FARP1: variants seen among roughly 807,000 people sequenced by gnomAD.
FARP1 encodes FERM, ARHGEF and pleckstrin domain-containing protein 1.
Under a neutral mutation model 128.8 loss-of-function variants are expected in FARP1, and 52 were observed. The observed-to-expected ratio is 0.40, with a 90% CI of 0.32 to 0.51. The LOEUF (loss-of-function observed/expected upper bound fraction) is 0.51. Ranked by LOEUF, FARP1 falls within the 20% of genes least tolerant of loss-of-function variation. The pLI is 0.45. For synonymous variants in FARP1, 580 were observed against 551.8 expected (o/e 1.05, Z -0.72); for missense variants, 1,333 against 1,367.9 (o/e 0.97, Z 0.40).
Position 98,399,659 on chromosome 13 carries a change from C to T in FARP1, c.1414+4183C>T, listed in dbSNP as rs1315967480. On this transcript the variant is annotated intron_variant, in intron 13 of 26. Coordinates refer to ENST00000319562, the MANE Select transcript of FARP1 (RefSeq NM_005766.4). The stretch of plus-strand genomic sequence containing the variant: ...AGGGGTCTCCTGACTCAATAGGGGA[C>T]CCAGGCCTTCAGATACCAGCCACTC... 3.9e-5 allele frequency: 6 copies of T among 152,120 alleles called. No homozygotes were observed. The East Asian group carries it at 9.7e-4, about 25-fold the overall frequency. The allele number at this position is 152,120 out of a possible 1,614,324, so 9.4% of individuals were successfully genotyped here.
chr13:98,446,921 C>CTGCCAACTA (rs1445931435), intron 26 of FARP1, 104 bp downstream of exon 26: 14 of 1,261,910 alleles, frequency 1.1e-5, no homozygotes, highest in Non-Finnish European at 1.6e-5. Flanking sequence ...CCACCCTTCC[C>CTGCCAACTA]TGCCAACTAA....
chr13:98,244,461 G>T, intron 2 of FARP1: 1 of 1,596,262 alleles, frequency 6.3e-7, no homozygotes, highest in Non-Finnish European at 8.5e-7. Flanking sequence ...CCTTTTCAAG[G>T]GAGTAGCATT....
intron 1 of FARP1, among the ~76,000 whole-genome samples, chr13:98,206,148 A>G (rs1353973147): frequency 6.6e-6 from 1 of 150,686 alleles, no homozygotes; most frequent in East Asian, 2.0e-4. Flanking sequence ...GCCGTGTTCC[A>G]TACTAATAGG....
intron 15 of FARP1, 35 bp downstream of exon 15, chr13:98,410,858 C>T (rs745729670): frequency 1.8e-6 from 2 of 1,096,346 alleles, no homozygotes; most frequent in South Asian, 2.6e-5. Flanking sequence ...CATTCGATTA[C>T]ATGATTTATC....
rs1352304952 is a variant in FARP1 at position 98,453,011 on chromosome 13, A to G, written c.*4694A>G. 5 of 660,772 alleles carry G rather than the reference A, an allele frequency of 7.6e-6. No homozygotes were observed. The Admixed American group carries it at 9.4e-5, about 12-fold the overall frequency. The allele number at this position is 660,772 out of a possible 1,614,324, so 40.9% of individuals were successfully genotyped here. ...GAGAGACTTCATCTGGCTGCAGCAC[A>G]GTGAAGACTGTGTGTGTCCCTGGAC... On this transcript the variant is annotated 3_prime_UTR_variant, in exon 27 of 27. Transcript: ENST00000319562.
At chr13:98,240,563 G>A (rs1481750276) in intron 2 of FARP1, among the ~76,000 whole-genome samples, 2 of 152,230 alleles carry the variant, frequency 1.3e-5, no homozygotes, top group Non-Finnish European at 2.9e-5. Context: ...TTTGTTGGTG[G>A]ATGGTCTGGG....
At chr13:98,232,668 A>AT (rs141379449) in intron 2 of FARP1, among the ~76,000 whole-genome samples, 9 of 152,126 alleles carry the variant, frequency 5.9e-5, no homozygotes, top group East Asian at 5.8e-4. Context: ...TGGTGTAAAC[A>AT]TTTTTTTTAT....
intron 5 of FARP1, among the ~76,000 whole-genome samples, chr13:98,374,864 A>G (rs910643641): frequency 6.6e-6 from 1 of 152,194 alleles, no homozygotes; most frequent in African/African-American, 2.4e-5. Context: ...CAGAGATCAC[A>G]TGGTGGGAGA....
intron 2 of FARP1, among the ~76,000 whole-genome samples, chr13:98,220,036 GTATTT>G (rs1881323273): frequency 1.0e-5 from 1 of 98,364 alleles, no homozygotes; most frequent in African/African-American, 5.4e-5. Flanking sequence ...GCTGAAGAAA[GTATTT>G]TTTTTTTTTC....
At chr13:98,166,019 C>T (rs1877244220) in intron 1 of FARP1, among the ~76,000 whole-genome samples, 1 of 151,864 alleles carries the variant, frequency 6.6e-6, no homozygotes, top group East Asian at 1.9e-4. Context: ...TGCGCCCAGC[C>T]CAGAAGTCTT....
chr13:98,144,520 G>C (rs1399902737), intron 1 of FARP1, among the ~76,000 whole-genome samples: 2 of 152,118 alleles, frequency 1.3e-5, no homozygotes, highest in African/African-American at 4.8e-5. Context: ...CTCCTTGTCA[G>C]TTTACCAGGT....
At position 98,424,576 on chromosome 13, in the gene FARP1, G is replaced by C; in HGVS notation, c.1831G>C (p.Gly611Arg). Residue 611 changes from glycine to arginine, a missense_variant, in exon 17 of 27, where the codon GGC becomes CGC. Around this residue, in one of 2 missense-constraint regions of FARP1, gnomAD observed 1,009 missense variants for 969.8 expected, o/e 1.04. Coordinates refer to ENST00000319562, the MANE Select transcript of FARP1 (RefSeq NM_005766.4). ...ACCCTTTGCTTTTGCTCTCAGGGAA[G>C]GCCGCTCAAATGCCCAAATCAGAGA... The part of the protein sequence containing the change: ...EIEQRLALWE[G>R]RSNAQIRDYQ... 6.2e-7 allele frequency: 1 copy of C among 1,611,856 alleles called. No individual in the cohort carries two copies. The highest frequency in any genetic ancestry group is 8.5e-7 in the Non-Finnish European group (1 of 1,177,948).
At chr13:98,209,710 T>C (rs1267013643) in intron 1 of FARP1, among the ~76,000 whole-genome samples, 1 of 135,710 alleles carries the variant, frequency 7.4e-6, no homozygotes, top group East Asian at 2.2e-4. Context: ...GGCAGGAGAA[T>C]CGCTTGAACC....
At chr13:98,432,308 C>A (rs1892062971) in intron 18 of FARP1, 1 of 152,320 alleles carries the variant, frequency 6.6e-6, no homozygotes, top group East Asian at 1.9e-4. Context: ...TTAAGGACCC[C>A]TTTAGATCAA....
chr13:98,438,685 T>C, intron 19 of FARP1, 119 bp from the exon 20 acceptor site: 1 of 758,292 alleles, frequency 1.3e-6, no homozygotes, highest in Non-Finnish European at 2.3e-6. Flanking sequence ...TCTTGGGGTC[T>C]GCACGCTCGC....
intron 5 of FARP1, among the ~76,000 whole-genome samples, chr13:98,369,911 C>A (rs1889256915): frequency 6.6e-6 from 1 of 152,148 alleles, no homozygotes; most frequent in African/African-American, 2.4e-5. Context: ...CATCATTTAT[C>A]AAAGGGATGA....
chr13:98,356,856 A>C (rs9513406), intron 3 of FARP1, among the ~76,000 whole-genome samples: 22,053 of 151,958 alleles, frequency 0.15, 2,069 homozygotes, highest in Non-Finnish European at 0.22. Flanking sequence ...GCTGGTCGCG[A>C]ACTCCTGACC....
At chr13:98,196,756 A>T (rs1269752730) in intron 1 of FARP1, among the ~76,000 whole-genome samples, 1 of 152,214 alleles carries the variant, frequency 6.6e-6, no homozygotes, top group African/African-American at 2.4e-5. Context: ...TGCAGCAACA[A>T]TGTGCTGTTC....
chr13:98,447,642 C>G (rs1892935283), intron 26 of FARP1: 1 of 153,498 alleles, frequency 6.5e-6, no homozygotes, highest in African/African-American at 2.4e-5. Context: ...AATGGGACAG[C>G]ATTGCACCCA....
Sources: allele counts gnomAD v4.1 joint callset (sites outside exome capture counted in the v4.1 genomes callset), GRCh38; gene constraint gnomAD v4.1.1; regional missense constraint gnomAD v4.1.1; transcripts MANE v1.5; gene names NCBI Gene and HGNC (gene_info 2026-07-23, HGNC 2026-07-21).